The following USP25 variants were observed in gnomAD, a reference collection of about 807,000 sequenced individuals.
USP25 encodes ubiquitin specific peptidase 25, also known as ubiquitin carboxyl-terminal hydrolase 25.
USP25 carries 85 observed loss-of-function variants against 158.5 expected under a neutral mutation model. The ratio of observed to expected loss-of-function variants is 0.54; its 90% confidence interval spans 0.45 to 0.64. The LOEUF is 0.64. Ranked by LOEUF, USP25 falls within the 30% of genes least tolerant of loss-of-function variation. USP25 has a pLI of 0.00. For missense variants in USP25, 1,242 were observed against 1,327.3 expected (o/e 0.94, Z 1.00); for synonymous variants, 464 against 460.4 (o/e 1.01, Z -0.10).
chr21:15,873,651 G>C (rs1481403386), intron 23 of USP25, among the ~76,000 whole-genome samples: 1 of 151,828 alleles, frequency 6.6e-6, no homozygotes, highest in African/African-American at 2.4e-5. Flanking sequence ...GTGTCACCAT[G>C]CCCGGCTAAT....
chr21:15,757,437 T>C (rs1460991300), intron 1 of USP25, among the ~76,000 whole-genome samples: 1 of 152,228 alleles, frequency 6.6e-6, no homozygotes, highest in East Asian at 1.9e-4. Flanking sequence ...GATATTTGTC[T>C]GAATTTATAG....
intron 19 of USP25, among the ~76,000 whole-genome samples, chr21:15,849,227 T>C (rs965910759): frequency 7.9e-5 from 12 of 152,130 alleles, no homozygotes; most frequent in Admixed American, 7.9e-4. Flanking sequence ...GTGACAGAGT[T>C]GTGTGTTTTG....
intron 20 of USP25, among the ~76,000 whole-genome samples, chr21:15,853,304 C>CACAGGTACACACATGT (rs1251621024): frequency 2.0e-3 from 297 of 151,958 alleles, no homozygotes; most frequent in African/African-American, 6.6e-3. Context: ...CATGTGTACA[C>CACAGGTACACACATGT]ACAGGTACAC....
chr21:15,818,590 ATCAG>A (rs1369624865), intron 9 of USP25, 104 bp from the exon 10 acceptor site: 7 of 920,076 alleles, frequency 7.6e-6, no homozygotes, highest in Non-Finnish European at 8.0e-6. Context: ...CAGGAATGAA[ATCAG>A]TCAGTGTTAC....
At chr21:15,845,366 A>C (rs936190688) in intron 18 of USP25, among the ~76,000 whole-genome samples, 4 of 152,166 alleles carry the variant, frequency 2.6e-5, no homozygotes, top group African/African-American at 9.6e-5. Flanking sequence ...ACAATAGAAA[A>C]AGATAAATAA....
intron 22 of USP25, among the ~76,000 whole-genome samples, chr21:15,867,751 T>C (rs546754226): frequency 6.6e-6 from 1 of 152,196 alleles, no homozygotes; most frequent in Non-Finnish European, 1.5e-5. Flanking sequence ...AGTGAGACCA[T>C]TTACAATAGT....
Position 15,766,212 on chromosome 21 carries a change from A to G in USP25, c.268+71A>G. ...AAAACTTTTCTTGGTGTAATATATTAATGTTGCTTAAGGAGAGGTAAAGAA... is the reference window on the plus strand; with the variant it reads ...AAAACTTTTCTTGGTGTAATATATTGATGTTGCTTAAGGAGAGGTAAAGAA... On this transcript the variant is annotated intron_variant, in intron 3 of 25. Coordinates refer to ENST00000400183, the MANE Select transcript of USP25 (RefSeq NM_001283041.3). The surrounding 1 kb of genome is among the most constrained non-coding windows in gnomAD (Gnocchi z 4.0). The G allele has an allele frequency of 7.0e-7, 1 of 1,438,490 alleles. No homozygotes were observed. Among genetic ancestry groups the G allele is most frequent in the Non-Finnish European group, 9.2e-7 (1 of 1,091,658 alleles). The allele number at this position is 1,438,490 out of a possible 1,614,324, so 89.1% of individuals were successfully genotyped here.
chr21:15,823,191 AACTATTTTATACTTCTGTTCTT>A (rs2037321724), intron 10 of USP25, among the ~76,000 whole-genome samples: 1 of 152,068 alleles, frequency 6.6e-6, no homozygotes, highest in Non-Finnish European at 1.5e-5. Context: ...AGCACTTCAG[AACTATTTTATACTTCTGTTCTT>A]TGTTGATTTA....
chr21:15,803,318 C>G (rs2183553), intron 6 of USP25, among the ~76,000 whole-genome samples: 2 of 151,604 alleles, frequency 1.3e-5, no homozygotes, highest in African/African-American at 2.4e-5. Context: ...AACCACACAC[C>G]AATATTTCTC....
chr21:15,789,530 G>T (rs1199983179), intron 4 of USP25, among the ~76,000 whole-genome samples: 1 of 152,068 alleles, frequency 6.6e-6, no homozygotes, highest in Admixed American at 6.6e-5. Context: ...ATTACGTCTG[G>T]TTCTTTTAGA....
intron 1 of USP25, among the ~76,000 whole-genome samples, chr21:15,750,210 GTA>G (rs1386405938): frequency 7.6e-5 from 8 of 105,232 alleles, no homozygotes; most frequent in African/African-American, 1.4e-4. Context: ...GTGTGTGTGT[GTA>G]TGTTTTTTTT....
intron 22 of USP25, among the ~76,000 whole-genome samples, chr21:15,868,012 A>G (rs1454919660): frequency 6.6e-6 from 1 of 152,286 alleles, no homozygotes; most frequent in Non-Finnish European, 1.5e-5. Flanking sequence ...CAACTGAAAA[A>G]TGTTACGGAA....
chr21:15,827,025 A>G lies in USP25; in HGVS notation c.1515A>G (p.Ser505=). The G allele has an allele frequency of 6.2e-7, 1 of 1,614,124 alleles. No homozygotes were observed. The part of the protein sequence containing the change: ...GALSSELPST[S]PSSVAAISSR... ...TATCTTCAGAACTGCCAAGCACATC[A>G]CCTTCATCAGTTGCTGCCATTTCAT... Residue 505 remains serine, a synonymous_variant, in exon 14 of 26, where the codon TCA becomes TCG. Transcript: ENST00000400183.
chr21:15,753,165 C>T (rs746868864), intron 1 of USP25, among the ~76,000 whole-genome samples: 18 of 152,140 alleles, frequency 1.2e-4, no homozygotes, highest in Non-Finnish European at 2.1e-4. Flanking sequence ...CCCAGTGGTG[C>T]AAATGCAGTG....
chr21:15,864,531 AT>A, intron 21 of USP25, 85 bp downstream of exon 21: 1 of 1,227,040 alleles, frequency 8.1e-7, no homozygotes, highest in Non-Finnish European at 1.1e-6. Flanking sequence ...TTGAGTATTT[AT>A]TTTATATATG....
intron 3 of USP25, among the ~76,000 whole-genome samples, chr21:15,771,641 G>T (rs1233523774): frequency 6.6e-6 from 1 of 151,834 alleles, no homozygotes; most frequent in Non-Finnish European, 1.5e-5. Context: ...CTTTCTTAAG[G>T]GTATTTCCAT....
intron 1 of USP25, among the ~76,000 whole-genome samples, chr21:15,744,663 A>T (rs996223312): frequency 1.3e-5 from 2 of 151,902 alleles, no homozygotes; most frequent in Non-Finnish European, 2.9e-5. Context: ...ATCTCAGCTC[A>T]CGGCAGCCCC....
intron 4 of USP25, among the ~76,000 whole-genome samples, chr21:15,785,250 A>T (rs577930681): frequency 6.6e-6 from 1 of 152,350 alleles, no homozygotes; most frequent in East Asian, 1.9e-4. Context: ...AAATATATAA[A>T]GCAAATATTA....
chr21:15,767,920 C>G (rs2034135404), intron 3 of USP25, among the ~76,000 whole-genome samples: 1 of 151,998 alleles, frequency 6.6e-6, no homozygotes. Flanking sequence ...AATGGTTACA[C>G]CTGTTTACGA....
Sources: allele counts gnomAD v4.1 joint callset (sites outside exome capture counted in the v4.1 genomes callset), GRCh38; gene constraint gnomAD v4.1.1; non-coding constraint Gnocchi (gnomAD v3.1); transcripts MANE v1.5; gene names NCBI Gene and HGNC (gene_info 2026-07-23, HGNC 2026-07-21).